TENM1: variants seen among roughly 807,000 people sequenced by gnomAD.
TENM1 encodes teneurin transmembrane protein 1.
Under a neutral mutation model 174.8 loss-of-function variants are expected in TENM1, and 35 were observed. That is an observed-to-expected ratio of 0.20 (90% CI 0.15 to 0.27). The LOEUF is 0.27. Among genes scored for constraint, TENM1 ranks in the 10% least tolerant of loss-of-function variants. The probability of loss-of-function intolerance (pLI) is 1.00; values close to 1 mark genes in which losing one functional copy is unlikely to be tolerated. For synonymous variants in TENM1, 781 were observed against 798.7 expected, an observed-to-expected ratio of 0.98 and a Z score of 0.37; for missense variants, 1,633 against 2,130.1, an observed-to-expected ratio of 0.77 and a Z score of 4.59.
intron 3 of TENM1, among the ~76,000 whole-genome samples, chrX:124,811,725 T>G (rs1297554960): frequency 9.0e-6 from 1 of 111,633 alleles, no homozygotes; most frequent in African/African-American, 3.2e-5. Flanking sequence ...CCATGTTCAT[T>G]GCAGCACTAT....
intron 4 of TENM1, among the ~76,000 whole-genome samples, chrX:124,726,840 G>C (rs1192199228): frequency 8.9e-6 from 1 of 111,841 alleles, no homozygotes; most frequent in East Asian, 2.8e-4. Context: ...ATACTTAAAG[G>C]GTATTTTTCC....
intron 3 of TENM1, among the ~76,000 whole-genome samples, chrX:124,825,270 C>T (rs2056132734): frequency 9.7e-6 from 1 of 102,628 alleles, no homozygotes; most frequent in Non-Finnish European, 2.0e-5. Flanking sequence ...TCTCCCACCT[C>T]AGCACCCCAA....
intron 27 of TENM1, among the ~76,000 whole-genome samples, chrX:124,399,058 TATA>T (rs764564985): frequency 8.9e-6 from 1 of 112,216 alleles, no homozygotes; most frequent in Admixed American, 9.4e-5. Flanking sequence ...GATTCAATAA[TATA>T]ATGTTTTTTA....
the TENM1 span, among the ~76,000 whole-genome samples, chrX:125,198,017 T>A: frequency 2.7e-5 from 3 of 111,796 alleles, no homozygotes; most frequent in Non-Finnish European, 5.7e-5. Context: ...ATCATAGAGA[T>A]TGTGATTCCA....
intron 3 of TENM1, among the ~76,000 whole-genome samples, chrX:124,787,125 G>C (rs1171808365): frequency 9.0e-6 from 1 of 111,207 alleles, no homozygotes; most frequent in Non-Finnish European, 1.9e-5. Context: ...AAAGTATTAT[G>C]CAACATTTCA....
the TENM1 span, among the ~76,000 whole-genome samples, chrX:125,190,568 C>T: frequency 2.7e-5 from 3 of 111,355 alleles, no homozygotes; most frequent in Admixed American, 2.9e-4. Flanking sequence ...GATTATTTTC[C>T]CTTCTGTAGT....
At chrX:124,615,547 G>GT (rs2050379546) in intron 11 of TENM1, among the ~76,000 whole-genome samples, 1 of 112,130 alleles carries the variant, frequency 8.9e-6, no homozygotes, top group South Asian at 3.7e-4. Context: ...GTAAGGTTCC[G>GT]TTATTTTTAG....
At chrX:125,179,223 AC>A in the TENM1 span, among the ~76,000 whole-genome samples, 1 of 111,505 alleles carries the variant, frequency 9.0e-6, no homozygotes, top group African/African-American at 3.3e-5. Context: ...TGTGAATGGC[AC>A]CAAGGCATAT....
chrX:125,010,292 A>G, the TENM1 span, among the ~76,000 whole-genome samples: 1 of 110,643 alleles, frequency 9.0e-6, no homozygotes, highest in Non-Finnish European at 1.9e-5. Context: ...TACAAAGAAA[A>G]TATAATACCT....
chrX:125,038,454 C>T, the TENM1 span, among the ~76,000 whole-genome samples: 3 of 110,722 alleles, frequency 2.7e-5, no homozygotes, highest in Admixed American at 1.9e-4. Flanking sequence ...TTAAAGCACT[C>T]GAAACAGTGC....
exon 32 of TENM1, chrX:124,378,113 T>G (rs1025161892): frequency 1.8e-5 from 2 of 111,547 alleles, no homozygotes; most frequent in African/African-American, 6.5e-5. Context: ...ATAATACAAA[T>G]GTAACTTTAA....
chrX:124,705,878 T>C (rs1172380700), intron 4 of TENM1, among the ~76,000 whole-genome samples: 1 of 111,038 alleles, frequency 9.0e-6, no homozygotes, highest in East Asian at 2.8e-4. Context: ...TTTTGTTTTG[T>C]TTTGTTTCTG....
At chrX:125,088,575 T>C in the TENM1 span, among the ~76,000 whole-genome samples, 1 of 111,358 alleles carries the variant, frequency 9.0e-6, no homozygotes, top group East Asian at 2.8e-4. Flanking sequence ...AGCTTATTAA[T>C]TTTTTTAAAA....
In TENM1 at chrX:124,497,010, A is replaced by G; in HGVS notation, c.3695+6T>C. 1 of 1,208,288 alleles carries G rather than the reference A, an allele frequency of 8.3e-7. No homozygotes were observed. Among genetic ancestry groups the G allele is most frequent in the Non-Finnish European group, 1.1e-6 (1 of 892,857 alleles). Reference sequence around the variant, plus strand: ...AGCAAATATATAGAGATTAGAGAAGACTTACCTTAATTCCAAAATACTAAC... The same window carrying G: ...AGCAAATATATAGAGATTAGAGAAGGCTTACCTTAATTCCAAAATACTAAC... On this transcript the variant is annotated splice_donor_region_variant and intron_variant, in intron 20 of 31. Coordinates refer to ENST00000422452, the Ensembl canonical transcript of TENM1.
rs184346033 is a variant in TENM1 at position 124,731,676 on chromosome X, A to G, written c.776+5281T>C. On this transcript the variant is annotated intron_variant, in intron 4 of 31. Coordinates refer to ENST00000422452, the Ensembl canonical transcript of TENM1. ...GTTTGTGAGCGCTTAGGAAAAAAGT[A>G]GTAACCATAAGAAAGCAAGCAGTAT... is the stretch of plus-strand genomic sequence containing the variant. 2.7e-5 allele frequency among the ~76,000 whole-genome samples: 3 copies of G among 112,447 alleles called. No individual in the cohort carries two copies. In the East Asian group the frequency reaches 8.4e-4, roughly 31 times the overall value.
chrX:125,078,323 T>A, the TENM1 span, among the ~76,000 whole-genome samples: 1 of 112,058 alleles, frequency 8.9e-6, no homozygotes, highest in East Asian at 2.8e-4. Flanking sequence ...ATTTCAAAAA[T>A]TTTTAAAAAA....
the TENM1 span, among the ~76,000 whole-genome samples, chrX:125,045,252 T>C: frequency 6.4e-4 from 71 of 111,480 alleles, 1 homozygote; most frequent in African/African-American, 1.7e-3. Context: ...GGGATTACCA[T>C]TGAGATGAGA....
chrX:124,882,610 T>C (rs1053750859), intron 3 of TENM1, among the ~76,000 whole-genome samples: 6 of 112,458 alleles, frequency 5.3e-5, no homozygotes, highest in African/African-American at 1.9e-4. Flanking sequence ...GCTAAAGTGA[T>C]TGCTTTATCA....
At chrX:125,203,947 A>C in the TENM1 span, 3 of 112,263 alleles carry the variant, frequency 2.7e-5, no homozygotes, top group African/African-American at 9.7e-5. Context: ...GTAAATCCAC[A>C]TTACTGTTCG....
Sources: gnomAD v4.1 joint callset for allele counts (sites outside exome capture counted in the v4.1 genomes callset) on GRCh38, gnomAD v4.1.1 for gene constraint, MANE v1.5 for transcripts, NCBI Gene and HGNC (gene_info 2026-07-23, HGNC 2026-07-21) for gene names.